The following ATG2B variants were observed in gnomAD, a reference collection of about 807,000 sequenced individuals.
ATG2B encodes autophagy-related protein 2 homolog B.
Under a neutral mutation model 241.3 loss-of-function variants are expected in ATG2B, and 121 were observed. The observed-to-expected ratio is 0.50, with a 90% CI of 0.43 to 0.58. ATG2B has a LOEUF of 0.58. Among genes scored for constraint, ATG2B ranks in the 20% least tolerant of loss-of-function variants. The probability of loss-of-function intolerance (pLI) is 0.00; values close to 1 mark genes in which losing one functional copy is unlikely to be tolerated. For missense variants in ATG2B, 2,306 were observed against 2,491.6 expected (o/e 0.93, Z 1.59); for synonymous variants, 858 against 876.6 (o/e 0.98, Z 0.37).
intron 1 of ATG2B, among the ~76,000 whole-genome samples, chr14:96,361,626 G>A (rs1306024179): frequency 6.6e-6 from 1 of 152,166 alleles, no homozygotes; most frequent in Non-Finnish European, 1.5e-5. Flanking sequence ...ACGACACAGA[G>A]ATGAAGTGTG....
chr14:96,300,865 A>G (rs1231958634), intron 34 of ATG2B, among the ~76,000 whole-genome samples: 1 of 152,224 alleles, frequency 6.6e-6, no homozygotes, highest in Non-Finnish European at 1.5e-5. Context: ...GTTTATAAAT[A>G]TTATTTAAGC....
intron 1 of ATG2B, among the ~76,000 whole-genome samples, chr14:96,358,507 T>C (rs114177765): frequency 2.0e-5 from 3 of 152,164 alleles, no homozygotes; most frequent in Non-Finnish European, 4.4e-5. Context: ...AGAATTTACA[T>C]TGCACCACTA....
In ATG2B at chr14:96,313,337, A is replaced by G. The variant is rs1245042588; in HGVS notation, c.3741T>C (p.Leu1247=). ...TCCATTTGTGAACTTACCTATAATC[A>G]AGTGCACAGCTCCAAAGATGAACAT... The part of the protein sequence containing the change: ...TFHVHLWSCA[L]DYRPLYLPIR... The change falls in exon 24 of 42, where the codon CTT becomes CTC. Residue 1247 remains leucine (L), a synonymous_variant. Coordinates refer to ENST00000359933, the MANE Select transcript of ATG2B (RefSeq NM_018036.7). The G allele has an allele frequency of 3.2e-6, 5 of 1,579,990 alleles. No homozygotes were observed. The highest frequency in any genetic ancestry group is 2.7e-5 in the African/African-American group (2 of 72,776).
chr14:96,294,597 T>C (rs563610999), intron 36 of ATG2B, among the ~76,000 whole-genome samples: 7 of 152,102 alleles, frequency 4.6e-5, no homozygotes, highest in Admixed American at 4.6e-4. Flanking sequence ...CAGACAGGCA[T>C]AGCCAGGTTG....
At chr14:96,293,267 G>C (rs1435354539) in intron 36 of ATG2B, 1 of 152,170 alleles carries the variant, frequency 6.6e-6, no homozygotes, top group Non-Finnish European at 1.5e-5. Context: ...AGAAGCCTCA[G>C]ACCCCAGGTC....
chr14:96,328,587 T>C (rs1299146544), intron 13 of ATG2B, 52 bp from the exon 14 acceptor site: 10 of 1,555,848 alleles, frequency 6.4e-6, no homozygotes, highest in South Asian at 1.2e-5. Context: ...AAAACTACTA[T>C]ATAATTGGGT....
chr14:96,325,292 G>A (rs1887560614), intron 15 of ATG2B, among the ~76,000 whole-genome samples: 1 of 152,092 alleles, frequency 6.6e-6, no homozygotes, highest in African/African-American at 2.4e-5. Context: ...ACAAGAAAAT[G>A]TGTATCAAGT....
At position 96,291,626 on chromosome 14, in the gene ATG2B, CTTT is replaced by C; in HGVS notation, c.5550_5552del (p.Lys1851del). ...CATGTCGATAGGAAAGCCTCTTGAG[CTTT>C]AGTTCAGAGCAGTTTAACTGAGCCA... On this transcript the variant is annotated inframe_deletion, in exon 38 of 42. Coordinates refer to ENST00000359933, the MANE Select transcript of ATG2B (RefSeq NM_018036.7). The C allele has an allele frequency of 6.2e-7, 1 of 1,606,522 alleles. No homozygotes were observed. Among genetic ancestry groups the C allele is most frequent in the East Asian group, 2.2e-5 (1 of 44,732 alleles).
chr14:96,312,982 CT>C, intron 25 of ATG2B, 82 bp downstream of exon 25: 1 of 869,580 alleles, frequency 1.1e-6, no homozygotes, highest in Non-Finnish European at 1.7e-6. Context: ...AAAATTGAGA[CT>C]TTAATAAAAT....
rs74418513 is a variant in ATG2B at position 96,314,125 on chromosome 14, C to T, written c.3643-690G>A. Among the ~76,000 whole-genome samples the T allele has an allele frequency of 2.4e-3, 373 of 152,292 alleles. 1 individual carries two copies. Among genetic ancestry groups the T allele is most frequent in the African/African-American group, 8.5e-3 (355 of 41,554 alleles). On this transcript the variant is annotated intron_variant, in intron 23 of 41. Coordinates refer to ENST00000359933, the MANE Select transcript of ATG2B (RefSeq NM_018036.7). ...CTTCCAGCTGGTTATTCACCCTAAC[C>T]ACTTCTCTACTCCTACCAGATAGAA...
At chr14:96,296,424 A>T (rs1490190240) in intron 34 of ATG2B, among the ~76,000 whole-genome samples, 1 of 152,038 alleles carries the variant, frequency 6.6e-6, no homozygotes, top group Non-Finnish European at 1.5e-5. Context: ...CTTCGAGGAT[A>T]TATTTGTATA....
At chr14:96,336,695 T>C (rs1887877460) in intron 6 of ATG2B, among the ~76,000 whole-genome samples, 1 of 152,214 alleles carries the variant, frequency 6.6e-6, no homozygotes. Context: ...AAGTTATTGC[T>C]ATGCTTCCTC....
intron 1 of ATG2B, among the ~76,000 whole-genome samples, chr14:96,360,431 TTGC>T (rs1888592087): frequency 6.6e-6 from 1 of 152,256 alleles, no homozygotes; most frequent in Admixed American, 6.5e-5. Flanking sequence ...CATGATTTTG[TTGC>T]TGAAAACAAT....
intron 27 of ATG2B, 94 bp downstream of exon 27, chr14:96,311,448 G>T: frequency 8.0e-7 from 1 of 1,245,506 alleles, no homozygotes; most frequent in South Asian, 1.4e-5. Flanking sequence ...CTCTATTTCT[G>T]ACCAAAATTA....
At chr14:96,326,340 A>T (rs1887587964) in intron 14 of ATG2B, among the ~76,000 whole-genome samples, 1 of 152,218 alleles carries the variant, frequency 6.6e-6, no homozygotes, top group African/African-American at 2.4e-5. Flanking sequence ...TTAAATACTC[A>T]ATGTGAAATC....
chr14:96,332,227 AAG>A, intron 10 of ATG2B, 76 bp downstream of exon 10: 3 of 1,193,460 alleles, frequency 2.5e-6, no homozygotes, highest in Admixed American at 2.2e-5. Context: ...AAAAAAAAAA[AAG>A]AAAGAAAAGC....
chr14:96,287,197 A>T (rs1006463700), intron 41 of ATG2B, among the ~76,000 whole-genome samples: 12 of 142,734 alleles, frequency 8.4e-5, no homozygotes, highest in Admixed American at 5.3e-4. Flanking sequence ...GAGCTTGCAG[A>T]GAGCCGAGAT....
rs34878579 is a variant in ATG2B at position 96,307,098 on chromosome 14, AAG to A, written c.4304-184_4304-183del. Among the ~76,000 whole-genome samples the A allele has an allele frequency of 0.33, 49,393 of 151,962 alleles. 9,118 individuals carry two copies. The highest frequency in any genetic ancestry group is 0.42 in the Non-Finnish European group (28,675 of 67,888). ...GTAACATGCACCAAAACACCTCAGC[AAG>A]AGTCAGAAATACATCAAAAACCACT... On this transcript the variant is annotated intron_variant, in intron 29 of 41. Transcript: ENST00000359933.
intron 9 of ATG2B, 43 bp downstream of exon 9, chr14:96,332,458 A>AAGC: frequency 6.2e-7 from 1 of 1,612,182 alleles, no homozygotes; most frequent in Non-Finnish European, 8.5e-7. Flanking sequence ...AGAATTTTAG[A>AAGC]AGCAACTTTT....
Sources: allele counts gnomAD v4.1 joint callset (sites outside exome capture counted in the v4.1 genomes callset), GRCh38; gene constraint gnomAD v4.1.1; transcripts MANE v1.5; gene names NCBI Gene and HGNC (gene_info 2026-07-23, HGNC 2026-07-21).